ATAD5: variants seen among roughly 807,000 people sequenced by gnomAD.
The protein encoded by ATAD5 is ATPase family AAA domain-containing protein 5.
ATAD5 carries 58 observed loss-of-function variants against 176.9 expected under a neutral mutation model. The ratio of observed to expected loss-of-function variants is 0.33; its 90% CI spans 0.27 to 0.41. The LOEUF (loss-of-function observed/expected upper bound fraction) is 0.41. Among genes scored for constraint, ATAD5 ranks in the 10% least tolerant of loss-of-function variants. ATAD5 has a pLI of 1.00. For missense variants in ATAD5, 1,789 were observed against 2,094.1 expected (o/e 0.85, Z 2.84); for synonymous variants, 640 against 712.6 (o/e 0.90, Z 1.62).
chr17:30,885,058 A>C (rs574166730), intron 18 of ATAD5, among the ~76,000 whole-genome samples: 2 of 151,882 alleles, frequency 1.3e-5, no homozygotes, highest in African/African-American at 4.8e-5. Context: ...CCTTTGCCTT[A>C]TATTTCTAAT....
At chr17:30,861,198 A>AC (rs1567688562) in intron 10 of ATAD5, among the ~76,000 whole-genome samples, 2 of 56,998 alleles carry the variant, frequency 3.5e-5, no homozygotes, top group South Asian at 7.1e-4. Flanking sequence ...TCCACCCCCC[A>AC]CCCCCCTCCC....
At chr17:30,833,874 G>C (rs1424713859) in intron 1 of ATAD5, among the ~76,000 whole-genome samples, 1 of 152,076 alleles carries the variant, frequency 6.6e-6, no homozygotes, top group Non-Finnish European at 1.5e-5. Flanking sequence ...TAGAGACAGG[G>C]TTTCACCACG....
At chr17:30,891,818 G>T (rs368049800) in intron 19 of ATAD5, among the ~76,000 whole-genome samples, 1 of 151,826 alleles carries the variant, frequency 6.6e-6, no homozygotes, top group African/African-American at 2.4e-5. Flanking sequence ...CCCTAATAGC[G>T]GGGGCTACAG....
rs149140753 is a variant in ATAD5 at position 30,835,676 on chromosome 17, C to G, written c.1595C>G (p.Thr532Ser). The part of the protein sequence containing the change: ...QRKTEFFKSS[T>S]LFNNESLVYE... ...AAAACAGAGTTTTTCAAAAGCAGCA[C>G]TTTATTTAACAATGAAAGTCTTGTT... Residue 532 changes from threonine (T) to serine (S), a missense_variant, in exon 2 of 23, where the codon ACT becomes AGT. Thr to Ser is a moderately conservative substitution (Grantham distance 58). Around this residue, in one of 6 missense-constraint regions of ATAD5, gnomAD observed 696 missense variants for 712.5 expected, o/e 0.98. Coordinates refer to ENST00000321990, the MANE Select transcript of ATAD5 (RefSeq NM_024857.5). 16 of 1,606,546 alleles carry G rather than the reference C, an allele frequency of 1.0e-5. 1 individual carries two copies. The South Asian group carries it at 1.7e-4, about 17-fold the overall frequency.
chr17:30,880,103 AC>A (rs1378354836), intron 18 of ATAD5, among the ~76,000 whole-genome samples: 3 of 151,224 alleles, frequency 2.0e-5, no homozygotes, highest in Non-Finnish European at 2.9e-5. Flanking sequence ...GGAGTTCGAG[AC>A]TAGCTTGGGC....
intron 6 of ATAD5, among the ~76,000 whole-genome samples, chr17:30,850,867 A>ATT (rs1906903826): frequency 5.3e-5 from 1 of 18,940 alleles, no homozygotes; most frequent in Non-Finnish European, 9.6e-5. Flanking sequence ...ATATATATAT[A>ATT]TATTTTTTTT....
chr17:30,884,352 C>T (rs1452111716), intron 18 of ATAD5, among the ~76,000 whole-genome samples: 1 of 151,448 alleles, frequency 6.6e-6, no homozygotes, highest in Non-Finnish European at 1.5e-5. Flanking sequence ...GCATAACATC[C>T]TCAAGGTTCA....
At position 30,832,274 on chromosome 17, in the gene ATAD5, C is replaced by T; in HGVS notation, c.-74C>T. 1 of 1,339,306 alleles carries T rather than the reference C, an allele frequency of 7.5e-7. No individual in the cohort carries two copies. Among genetic ancestry groups the T allele is most frequent in the South Asian group, 2.1e-5 (1 of 48,452 alleles). The allele number at this position is 1,339,306 out of a possible 1,614,324, so 83.0% of individuals were successfully genotyped here. On this transcript the variant is annotated 5_prime_UTR_variant, in exon 1 of 23. Coordinates refer to ENST00000321990, the MANE Select transcript of ATAD5 (RefSeq NM_024857.5). ...AGCTTGCTGCTACTGGAGCGGGCCGCCTCCATGGCCTCCAGGCAGGCCGGG... is the reference window on the plus strand; with the variant it reads ...AGCTTGCTGCTACTGGAGCGGGCCGTCTCCATGGCCTCCAGGCAGGCCGGG...
In ATAD5 at chr17:30,895,545, C is replaced by T. The variant is rs9906530; in HGVS notation, c.*632C>T. On this transcript the variant is annotated 3_prime_UTR_variant, in exon 23 of 23. Transcript: ENST00000321990. Reference sequence around the variant, plus strand: ...TCAGCCTCCTGAATAGCTGGGATTACAGGCATGTGCCACCTTGCCCAGCTA... The same window carrying T: ...TCAGCCTCCTGAATAGCTGGGATTATAGGCATGTGCCACCTTGCCCAGCTA... 0.11 allele frequency: 15,961 copies of T among 152,000 alleles called. 952 individuals are homozygous for T. Among genetic ancestry groups the T allele is most frequent in the South Asian group, 0.24 (1,168 of 4,804 alleles). The allele number at this position is 152,000 out of a possible 1,614,324, so 9.4% of individuals were successfully genotyped here. A position where few individuals can be genotyped will look rare whatever the true frequency, so the allele number is the denominator to read the frequency against.
intron 6 of ATAD5, among the ~76,000 whole-genome samples, chr17:30,852,918 T>C (rs1907058618): frequency 6.7e-6 from 1 of 150,220 alleles, no homozygotes. Context: ...AGACAGAATC[T>C]CCCTCTCTTG....
At chr17:30,859,283 T>TA (rs1907473794) in intron 9 of ATAD5, among the ~76,000 whole-genome samples, 1 of 152,238 alleles carries the variant, frequency 6.6e-6, no homozygotes, top group Non-Finnish European at 1.5e-5. Flanking sequence ...ATAGCTTGTA[T>TA]AAAAGACAGT....
chr17:30,861,361 TTCTC>T (rs759940369), intron 10 of ATAD5, among the ~76,000 whole-genome samples: 38 of 151,942 alleles, frequency 2.5e-4, no homozygotes, highest in Non-Finnish European at 3.8e-4. Flanking sequence ...TTCTTTCTCC[TTCTC>T]TCTCTTTTTT....
At chr17:30,868,445 A>G in intron 12 of ATAD5, 33 bp downstream of exon 12, 13 of 1,341,884 alleles carry the variant, frequency 9.7e-6, no homozygotes, top group Non-Finnish European at 1.3e-5. Flanking sequence ...TTTTTTTACC[A>G]TTTCACTGAA....
chr17:30,868,849 CTTT>C (rs568729653), intron 12 of ATAD5, among the ~76,000 whole-genome samples: 4 of 131,678 alleles, frequency 3.0e-5, no homozygotes, highest in Admixed American at 7.7e-5. Flanking sequence ...TGATTTTCTA[CTTT>C]TTTTTTTTTT....
intron 2 of ATAD5, among the ~76,000 whole-genome samples, chr17:30,836,983 G>C (rs1321607815): frequency 6.6e-6 from 1 of 152,066 alleles, no homozygotes; most frequent in Non-Finnish European, 1.5e-5. Context: ...CTATCTATCT[G>C]TCTATGCATC....
intron 16 of ATAD5, among the ~76,000 whole-genome samples, chr17:30,877,768 A>G (rs886781646): frequency 2.6e-5 from 4 of 152,222 alleles, no homozygotes; most frequent in African/African-American, 9.6e-5. Context: ...AAATGATTGT[A>G]TAAATTATTC....
At chr17:30,878,455 TTTC>T (rs1908793083) in intron 17 of ATAD5, among the ~76,000 whole-genome samples, 1 of 152,146 alleles carries the variant, frequency 6.6e-6, no homozygotes, top group Non-Finnish European at 1.5e-5. Flanking sequence ...CTGATAACAC[TTTC>T]TTATGAATTA....
intron 18 of ATAD5, among the ~76,000 whole-genome samples, chr17:30,881,330 T>C (rs1215030993): frequency 6.6e-6 from 1 of 152,014 alleles, no homozygotes; most frequent in Non-Finnish European, 1.5e-5. Flanking sequence ...GTGGCACAAT[T>C]GTCCTGTTGC....
chr17:30,881,909 TC>T (rs143533458), intron 18 of ATAD5, among the ~76,000 whole-genome samples: 58 of 147,990 alleles, frequency 3.9e-4, no homozygotes, highest in Admixed American at 8.2e-4. Flanking sequence ...CAAGACCCTG[TC>T]CCCCCCCCAA....
Sources: gnomAD v4.1 joint callset for allele counts (sites outside exome capture counted in the v4.1 genomes callset) on GRCh38, gnomAD v4.1.1 for gene constraint, gnomAD v4.1.1 regional missense constraint, MANE v1.5 for transcripts, NCBI Gene and HGNC (gene_info 2026-07-23, HGNC 2026-07-21) for gene names.